The following PLD1 variants were observed in gnomAD, a reference collection of about 807,000 sequenced individuals.
PLD1 encodes the protein choline phosphatase 1.
A neutral mutation model predicts 137.1 loss-of-function variants in PLD1; 112 were observed. The observed-to-expected ratio is 0.82, with a 90% CI of 0.70 to 0.96. PLD1 has a LOEUF of 0.96. PLD1 is among the 40% of genes least tolerant of loss of function. PLD1 has a pLI of 0.00. For missense variants in PLD1, 1,321 were observed against 1,342.0 expected (o/e 0.98, Z 0.24); for synonymous variants, 431 against 454.7 (o/e 0.95, Z 0.66).
intron 8 of PLD1, among the ~76,000 whole-genome samples, chr3:171,718,884 T>C (rs1202547970): frequency 6.6e-6 from 1 of 152,176 alleles, no homozygotes; most frequent in African/African-American, 2.4e-5. Context: ...CTGGCCCCAA[T>C]ACATGCGAAC....
At chr3:171,764,262 C>G (rs1233144457) in intron 1 of PLD1, among the ~76,000 whole-genome samples, 1 of 152,224 alleles carries the variant, frequency 6.6e-6, no homozygotes, top group African/African-American at 2.4e-5. Context: ...GCATGAGCCA[C>G]TGCGCCTGGT....
At chr3:171,772,251 T>G (rs1722397075) in intron 1 of PLD1, among the ~76,000 whole-genome samples, 2 of 152,280 alleles carry the variant, frequency 1.3e-5, no homozygotes. Context: ...ATTTGTATTT[T>G]GTTTAAATGA....
chr3:171,661,358 G>A (rs959441152), intron 20 of PLD1, among the ~76,000 whole-genome samples: 2 of 152,026 alleles, frequency 1.3e-5, no homozygotes, highest in African/African-American at 2.4e-5. Context: ...AATAAGGAAG[G>A]AAATTATGCT....
chr3:171,750,723 A>G (rs1313873001), intron 1 of PLD1, among the ~76,000 whole-genome samples: 3 of 152,230 alleles, frequency 2.0e-5, no homozygotes, highest in Admixed American at 2.0e-4. Context: ...AATGGAGGCT[A>G]TAAGATTGAA....
rs538285452 is a variant in PLD1 at position 171,602,101 on chromosome 3, C to A, written c.*977G>T. 6.6e-6 allele frequency: 1 copy of A among 152,314 alleles called. No individual in the cohort carries two copies. Among genetic ancestry groups the A allele is most frequent in the East Asian group, 1.9e-4 (1 of 5,184 alleles). 9.4% of individuals were successfully genotyped at this position (152,314 alleles called of 1,614,324 possible). A position where few individuals can be genotyped will look rare whatever the true frequency, so the allele number is the denominator to read the frequency against. Reference sequence around the variant, plus strand: ...CGATGCCTCTGATTCTCTTGAAAGACAAACTGTATTCACTAGTTTGATTTT... The same window carrying A: ...CGATGCCTCTGATTCTCTTGAAAGAAAAACTGTATTCACTAGTTTGATTTT... On this transcript the variant is annotated 3_prime_UTR_variant, in exon 27 of 27. Transcript: ENST00000351298.
intron 1 of PLD1, among the ~76,000 whole-genome samples, chr3:171,759,994 C>G (rs1260561823): frequency 6.6e-6 from 1 of 152,198 alleles, no homozygotes; most frequent in Non-Finnish European, 1.5e-5. Flanking sequence ...ATTGTTGCTA[C>G]AAAAGGGTCA....
chr3:171,731,377 A>C (rs1718935739), intron 6 of PLD1, among the ~76,000 whole-genome samples: 1 of 152,220 alleles, frequency 6.6e-6, no homozygotes, highest in South Asian at 2.1e-4. Context: ...AGGCCAGACT[A>C]CATTTAAAGA....
At position 171,692,351 on chromosome 3, in the gene PLD1, C is replaced by G. The variant is rs146936145; in HGVS notation, c.1319G>C (p.Arg440Pro). The G allele has an allele frequency of 1.3e-6, 2 of 1,514,538 alleles. No homozygotes were observed. The highest frequency in any genetic ancestry group is 4.5e-5 in the East Asian group (2 of 44,360). 93.8% of individuals were successfully genotyped at this position (1,514,538 alleles called of 1,614,324 possible). The stretch of plus-strand genomic sequence containing the variant: ...GAATACCTTTATGTTGGGATGTAGA[C>G]GCATCAAAGTCCTCTTGGTGTATTC... ...NSEYTKRTLM[R>P]LHPNIKVMRH... Residue 440 changes from arginine (R) to proline (P), a missense_variant, in exon 13 of 27, where the codon CGT becomes CCT. Coordinates refer to ENST00000351298, the MANE Select transcript of PLD1 (RefSeq NM_002662.5).
chr3:171,619,145 G>A (rs1279004548), intron 24 of PLD1, among the ~76,000 whole-genome samples: 2 of 152,078 alleles, frequency 1.3e-5, no homozygotes, highest in African/African-American at 2.4e-5. Context: ...ATTCCCATTA[G>A]TAGGACACAT....
At chr3:171,707,758 A>C (rs76401644) in intron 11 of PLD1, among the ~76,000 whole-genome samples, 1,865 of 152,244 alleles carry the variant, frequency 0.012, 33 homozygotes, top group African/African-American at 0.043. Flanking sequence ...GCCGCTAAAC[A>C]CCCTACAATG....
At chr3:171,680,080 C>T (rs1407904819) in intron 16 of PLD1, among the ~76,000 whole-genome samples, 1 of 152,020 alleles carries the variant, frequency 6.6e-6, no homozygotes, top group Non-Finnish European at 1.5e-5. Flanking sequence ...GCCTGGTGTC[C>T]TCTGGTCGTG....
At chr3:171,678,440 C>G (rs1448699180) in intron 16 of PLD1, among the ~76,000 whole-genome samples, 1 of 152,196 alleles carries the variant, frequency 6.6e-6, no homozygotes, top group Non-Finnish European at 1.5e-5. Context: ...CAGCAATCTA[C>G]TATAGCATTT....
At position 171,762,862 on chromosome 3, in the gene PLD1, T is replaced by C. The variant is rs185678277; in HGVS notation, c.-31-24780A>G. 9.2e-5 allele frequency among the ~76,000 whole-genome samples: 14 copies of C among 152,344 alleles called. No homozygotes were observed. The East Asian group carries it at 2.7e-3, about 29-fold the overall frequency. ...GGGTAAGGGGGCAGCTATAAGAGTG[T>C]AAATTTCAGTTTAACATGTGTGAGA... On this transcript the variant is annotated intron_variant, in intron 1 of 26. Coordinates refer to ENST00000351298, the MANE Select transcript of PLD1 (RefSeq NM_002662.5).
At chr3:171,804,284 G>A (rs1472245441) in intron 1 of PLD1, among the ~76,000 whole-genome samples, 1 of 152,166 alleles carries the variant, frequency 6.6e-6, no homozygotes, top group Non-Finnish European at 1.5e-5. Flanking sequence ...AGTGAGTACA[G>A]CTGTTTACCC....
intron 23 of PLD1, among the ~76,000 whole-genome samples, chr3:171,632,145 C>T (rs1194057796): frequency 6.6e-6 from 1 of 151,972 alleles, no homozygotes; most frequent in Non-Finnish European, 1.5e-5. Context: ...TGATACTGCT[C>T]CAAAAAAGCA....
intron 1 of PLD1, chr3:171,789,872 T>C (rs1035250005): frequency 2.0e-5 from 3 of 152,224 alleles, no homozygotes; most frequent in Non-Finnish European, 2.9e-5. Context: ...TACTAAATAA[T>C]AGTATGTGAT....
At position 171,601,555 on chromosome 3, in the gene PLD1, A is replaced by T. The variant is rs560172129; in HGVS notation, c.*1523T>A. ...TCACCTTATTTGTGAAATGTTCCCT[A>T]GCTATGAGATCCTGCCCTTGATGTG... On this transcript the variant is annotated 3_prime_UTR_variant, in exon 27 of 27. Coordinates refer to ENST00000351298, the MANE Select transcript of PLD1 (RefSeq NM_002662.5). 1 of 147,702 alleles carries T rather than the reference A, an allele frequency of 6.8e-6. No individual in the cohort carries two copies. Among genetic ancestry groups the T allele is most frequent in the Admixed American group, 6.6e-5 (1 of 15,090 alleles). 9.1% of individuals were successfully genotyped at this position (147,702 alleles called of 1,614,324 possible). A position where few individuals can be genotyped will look rare whatever the true frequency, so the allele number is the denominator to read the frequency against.
intron 1 of PLD1, among the ~76,000 whole-genome samples, chr3:171,745,986 G>T (rs545178021): frequency 6.6e-6 from 1 of 151,570 alleles, no homozygotes; most frequent in African/African-American, 2.4e-5. Context: ...ACTCAGAGCG[G>T]CTGGCGCCAC....
intron 1 of PLD1, among the ~76,000 whole-genome samples, chr3:171,782,835 T>A (rs1393536024): frequency 1.3e-5 from 2 of 152,112 alleles, no homozygotes; most frequent in African/African-American, 4.8e-5. Context: ...TTATGGAATG[T>A]TTGAATAAGA....
Sources: allele counts gnomAD v4.1 joint callset (sites outside exome capture counted in the v4.1 genomes callset), GRCh38; gene constraint gnomAD v4.1.1; transcripts MANE v1.5; gene names NCBI Gene and HGNC (gene_info 2026-07-23, HGNC 2026-07-21).